Variants in PDCD1LG2 observed in about 807,000 individuals in gnomAD.
The protein encoded by PDCD1LG2 is programmed cell death 1 ligand 2.
Under a neutral mutation model 28.2 loss-of-function variants are expected in PDCD1LG2, and 32 were observed. That is an observed-to-expected ratio of 1.13 (90% CI 0.86 to 1.52). The LOEUF is 1.52. Ranked by LOEUF, PDCD1LG2 falls within the 40% of genes most tolerant of loss-of-function variation. PDCD1LG2 has a pLI of 0.00. For missense variants in PDCD1LG2, 385 were observed against 323.8 expected (o/e 1.19, Z -1.45); for synonymous variants, 116 against 120.2 (o/e 0.97, Z 0.23).
rs1054428689 is a variant in PDCD1LG2 at position 5,569,576 on chromosome 9, G to C, written c.817-378G>C. 1.3e-5 allele frequency among the ~76,000 whole-genome samples: 2 copies of C among 152,176 alleles called. No individual in the cohort carries two copies. The highest frequency in any genetic ancestry group is 1.3e-4 in the Admixed American group (2 of 15,284). On this transcript the variant is annotated intron_variant, in intron 6 of 6. Coordinates refer to ENST00000397747, the MANE Select transcript of PDCD1LG2 (RefSeq NM_025239.4). This position sits in a 1 kb window ranked among gnomAD's most constrained non-coding sequence, Gnocchi z 4.1. ...TGCAGTCTGCAATGTCATCATCCTGGAGCATGAATAGAGTGCAGCAGGGTG... is the reference window on the plus strand; with the variant it reads ...TGCAGTCTGCAATGTCATCATCCTGCAGCATGAATAGAGTGCAGCAGGGTG...
chr9:5,549,200 A>G, intron 3 of PDCD1LG2, 135 bp from the exon 4 acceptor site: 1 of 814,054 alleles, frequency 1.2e-6, no homozygotes, highest in East Asian at 2.5e-5. Flanking sequence ...GGGATATACA[A>G]TGTGTTTACA....
In PDCD1LG2 at chr9:5,554,397, G is replaced by C. The variant is rs1227864146; in HGVS notation, c.632-3221G>C. Reference sequence around the variant, plus strand: ...ACCAAAGTCACACATCTGCCTCTGAGTTCCTGGCTTCTATTTCTCAAGGGC... The same window carrying C: ...ACCAAAGTCACACATCTGCCTCTGACTTCCTGGCTTCTATTTCTCAAGGGC... On this transcript the variant is annotated intron_variant, in intron 4 of 6. Transcript: ENST00000397747. 2.0e-5 allele frequency among the ~76,000 whole-genome samples: 3 copies of C among 152,332 alleles called. No individual in the cohort carries two copies. The East Asian group carries it at 5.8e-4, about 29-fold the overall frequency.
chr9:5,554,389 G>A (rs536740999), intron 4 of PDCD1LG2, among the ~76,000 whole-genome samples: 21 of 152,310 alleles, frequency 1.4e-4, no homozygotes, highest in African/African-American at 4.8e-4. Context: ...TCACACATCT[G>A]CCTCTGAGTT....
chr9:5,540,055 C>G (rs1156996316), intron 3 of PDCD1LG2, among the ~76,000 whole-genome samples: 1 of 152,082 alleles, frequency 6.6e-6, no homozygotes, highest in African/African-American at 2.4e-5. Context: ...TCTTAGATCA[C>G]AGTGGAGTAA....
At chr9:5,567,814 T>G (rs1048635557) in intron 6 of PDCD1LG2, among the ~76,000 whole-genome samples, 3 of 152,250 alleles carry the variant, frequency 2.0e-5, no homozygotes, top group African/African-American at 4.8e-5. Context: ...TCATCCAAGA[T>G]TCTTACAATT....
At chr9:5,533,703 C>G (rs982734037) in intron 2 of PDCD1LG2, among the ~76,000 whole-genome samples, 1 of 151,944 alleles carries the variant, frequency 6.6e-6, no homozygotes, top group African/African-American at 2.4e-5. Context: ...AGTGGCGTGT[C>G]CCTCACATTT....
rs201098354 is a variant in PDCD1LG2, at chr9:5,542,987, CAT to C, written c.362-6339_362-6338del. Among the ~76,000 whole-genome samples the C allele has an allele frequency of 5.9e-3, 891 of 151,942 alleles. 27 individuals are homozygous for C. The highest frequency in any genetic ancestry group is 0.031 in the Admixed American group (476 of 15,254). On this transcript the variant is annotated intron_variant, in intron 3 of 6. Transcript: ENST00000397747. Reference sequence around the variant, plus strand: ...AAATGTGGTATATATATTATACATACATATATATATGCATATTATATATATAC... The same window carrying C: ...AAATGTGGTATATATATTATACATACATATATATGCATATTATATATATAC...
intron 3 of PDCD1LG2, among the ~76,000 whole-genome samples, chr9:5,535,721 T>A (rs1370470573): frequency 6.6e-6 from 1 of 152,044 alleles, no homozygotes; most frequent in Non-Finnish European, 1.5e-5. Context: ...GCAGATGAAG[T>A]AGCTGAGATC....
intron 3 of PDCD1LG2, among the ~76,000 whole-genome samples, chr9:5,536,576 C>T (rs1353570473): frequency 6.6e-6 from 1 of 152,178 alleles, no homozygotes. Flanking sequence ...AAATCACCAC[C>T]TCTGTTTTTA....
At chr9:5,519,229 G>A (rs1009047472) in intron 1 of PDCD1LG2, among the ~76,000 whole-genome samples, 1 of 152,182 alleles carries the variant, frequency 6.6e-6, no homozygotes, top group Non-Finnish European at 1.5e-5. Flanking sequence ...TCTGGTACTT[G>A]GCCCTGGGGT....
intron 1 of PDCD1LG2, among the ~76,000 whole-genome samples, chr9:5,513,545 T>C (rs78873943): frequency 0.018 from 2,715 of 152,356 alleles, 77 homozygotes; most frequent in African/African-American, 0.061. Flanking sequence ...AATTATTCTA[T>C]GAATTCTCAC....
chr9:5,525,168 T>G (rs999970498), intron 2 of PDCD1LG2, among the ~76,000 whole-genome samples: 39 of 152,206 alleles, frequency 2.6e-4, no homozygotes, highest in African/African-American at 8.9e-4. Flanking sequence ...GCCAACATGG[T>G]GAAACCCCTC....
At chr9:5,546,180 A>G (rs912993570) in intron 3 of PDCD1LG2, among the ~76,000 whole-genome samples, 1 of 152,096 alleles carries the variant, frequency 6.6e-6, no homozygotes, top group African/African-American at 2.4e-5. Context: ...CCCAAGTCAA[A>G]GCCTCAGCCA....
At chr9:5,522,724 G>C in intron 2 of PDCD1LG2, 123 bp downstream of exon 2, 1 of 812,240 alleles carries the variant, frequency 1.2e-6, no homozygotes, top group Non-Finnish European at 2.0e-6. Context: ...ATGATTTCTG[G>C]GCTATTCCAA....
chr9:5,528,256 TTATATATTATA>T (rs914943323), intron 2 of PDCD1LG2, among the ~76,000 whole-genome samples: 2 of 147,780 alleles, frequency 1.4e-5, no homozygotes, highest in Non-Finnish European at 3.0e-5. Context: ...TATACATATT[TTATATATTATA>T]TATATATTTT....
chr9:5,511,649 G>A (rs1820061397), intron 1 of PDCD1LG2, among the ~76,000 whole-genome samples: 1 of 152,188 alleles, frequency 6.6e-6, no homozygotes, highest in Non-Finnish European at 1.5e-5. Context: ...CAAATACGGA[G>A]TTGGCCTGGA....
intron 6 of PDCD1LG2, among the ~76,000 whole-genome samples, chr9:5,565,891 T>A (rs948459105): frequency 5.9e-5 from 9 of 152,158 alleles, no homozygotes; most frequent in Non-Finnish European, 7.4e-5. Context: ...GAACATTTTT[T>A]AAATTACTGA....
chr9:5,519,027 A>AG (rs1037864170), intron 1 of PDCD1LG2, among the ~76,000 whole-genome samples: 9 of 152,210 alleles, frequency 5.9e-5, no homozygotes, highest in Non-Finnish European at 1.0e-4. Flanking sequence ...TCCCAAGAGA[A>AG]GGGGGGCACA....
At chr9:5,566,226 G>C (rs1816663284) in intron 6 of PDCD1LG2, among the ~76,000 whole-genome samples, 1 of 152,168 alleles carries the variant, frequency 6.6e-6, no homozygotes, top group South Asian at 2.1e-4. Context: ...CTTTTATTCA[G>C]ATGAATATTT....
Sources: gnomAD v4.1 joint callset for allele counts (sites outside exome capture counted in the v4.1 genomes callset) on GRCh38, gnomAD v4.1.1 for gene constraint, Gnocchi (gnomAD v3.1) non-coding constraint, MANE v1.5 for transcripts, NCBI Gene and HGNC (gene_info 2026-07-23, HGNC 2026-07-21) for gene names.